Variants in KIF1B observed in about 807,000 individuals in gnomAD.
KIF1B encodes kinesin family member 1B.
A neutral mutation model predicts 241.9 loss-of-function variants in KIF1B; 76 were observed. That is an observed-to-expected ratio of 0.31 (90% CI 0.26 to 0.38). The LOEUF (loss-of-function observed/expected upper bound fraction) is 0.38. Ranked by LOEUF, KIF1B falls within the 10% of genes least tolerant of loss-of-function variation. The probability of loss-of-function intolerance (pLI) is 1.00; values close to 1 mark genes in which losing one functional copy is unlikely to be tolerated. For synonymous variants in KIF1B, 750 were observed against 796.7 expected (o/e 0.94, Z 0.99); for missense variants, 1,622 against 2,271.4 (o/e 0.71, Z 5.81).
chr1:10,363,209 A>G, intron 40 of KIF1B, 74 bp from the exon 41 acceptor site: 1 of 1,100,470 alleles, frequency 9.1e-7, no homozygotes, highest in Non-Finnish European at 1.4e-6. Flanking sequence ...ACACTATTTT[A>G]AGTAGCAGAA....
At chr1:10,364,326 TC>T (rs1638507036) in intron 41 of KIF1B, among the ~76,000 whole-genome samples, 1 of 150,042 alleles carries the variant, frequency 6.7e-6, no homozygotes, top group Middle Eastern at 3.2e-3. Flanking sequence ...TGCCTCAGCC[TC>T]CTGAGTAGCT....
chr1:10,288,816 T>C (rs2102243344), intron 15 of KIF1B, among the ~76,000 whole-genome samples: 1 of 152,330 alleles, frequency 6.6e-6, no homozygotes, highest in Admixed American at 6.5e-5. Context: ...CTTGCTTTTT[T>C]CACGTGTTCC....
intron 2 of KIF1B, among the ~76,000 whole-genome samples, chr1:10,254,685 G>A (rs927522148): frequency 6.6e-6 from 1 of 151,746 alleles, no homozygotes; most frequent in Non-Finnish European, 1.5e-5. Context: ...GACCATCCTG[G>A]CTAACACGGT....
chr1:10,368,388 C>T, intron 43 of KIF1B, 79 bp from the exon 44 acceptor site: 1 of 1,198,906 alleles, frequency 8.3e-7, no homozygotes, highest in Non-Finnish European at 1.2e-6. Flanking sequence ...CTTCAGGAGC[C>T]TCCACGTGGT....
intron 1 of KIF1B, among the ~76,000 whole-genome samples, chr1:10,214,600 T>TG (rs1245593411): frequency 6.7e-6 from 1 of 148,842 alleles, no homozygotes; most frequent in Non-Finnish European, 1.5e-5. Flanking sequence ...TTTTTTTTTT[T>TG]GGGATGGAGT....
Position 10,328,580 on chromosome 1 carries a change from C to G in KIF1B, c.2924+2221C>G, listed in dbSNP as rs140861905. On this transcript the variant is annotated intron_variant, in intron 27 of 48. Coordinates refer to ENST00000676179, the MANE Select transcript of KIF1B (RefSeq NM_001365951.3). ...GCTTCATTTGATGGCTGCCTGTGTT[C>G]TTCAGCACGTTTCCATCCTGTTCTA... Among the ~76,000 whole-genome samples, 37 of 152,318 alleles carry G rather than the reference C, an allele frequency of 2.4e-4. No individual in the cohort carries two copies. In the East Asian group the frequency reaches 6.6e-3, roughly 27 times the overall value.
intron 22 of KIF1B, among the ~76,000 whole-genome samples, chr1:10,309,511 A>G (rs1377837951): frequency 6.7e-6 from 1 of 148,288 alleles, no homozygotes; most frequent in Non-Finnish European, 1.5e-5. Context: ...TTTTCCTTCC[A>G]GCTATTGCTT....
At position 10,339,750 on chromosome 1, in the gene KIF1B, T is replaced by A; in HGVS notation, c.3423-19T>A. 1 of 1,609,588 alleles carries A rather than the reference T, an allele frequency of 6.2e-7. No homozygotes were observed. The highest frequency in any genetic ancestry group is 8.5e-7 in the Non-Finnish European group (1 of 1,176,676). ...CGTTTAATGCATTGTTCACGAGTCT[T>A]TTTATTTTTTTTATGAAGCTTTTTG... On this transcript the variant is annotated intron_variant, in intron 31 of 48. Transcript: ENST00000676179.
chr1:10,320,541 T>C (rs1483426061), intron 23 of KIF1B, among the ~76,000 whole-genome samples: 1 of 152,214 alleles, frequency 6.6e-6, no homozygotes, highest in Non-Finnish European at 1.5e-5. Context: ...TTAGTCATGT[T>C]TGCCTATCTT....
chr1:10,237,880 G>C (rs1647078582), intron 2 of KIF1B, among the ~76,000 whole-genome samples: 1 of 151,710 alleles, frequency 6.6e-6, no homozygotes, highest in Non-Finnish European at 1.5e-5. Flanking sequence ...GTGGTGGTGT[G>C]CACCTGTAGT....
intron 1 of KIF1B, among the ~76,000 whole-genome samples, chr1:10,219,983 AC>A (rs1646819606): frequency 6.6e-6 from 1 of 151,946 alleles, no homozygotes; most frequent in Non-Finnish European, 1.5e-5. Context: ...CAGGCGGATC[AC>A]CTGAGGTCAA....
At chr1:10,353,904 C>G (rs1320661933) in intron 38 of KIF1B, among the ~76,000 whole-genome samples, 1 of 152,110 alleles carries the variant, frequency 6.6e-6, no homozygotes, top group Non-Finnish European at 1.5e-5. Context: ...AGTAATTCTG[C>G]ATAGCTTTCT....
chr1:10,274,964 T>C (rs1273211904), intron 10 of KIF1B: 5 of 365,902 alleles, frequency 1.4e-5, no homozygotes, highest in Non-Finnish European at 2.6e-5. Flanking sequence ...GTAATAGTAT[T>C]GTGTTGATGT....
At chr1:10,263,503 C>G (rs1648273386) in intron 5 of KIF1B, among the ~76,000 whole-genome samples, 1 of 151,934 alleles carries the variant, frequency 6.6e-6, no homozygotes, top group African/African-American at 2.4e-5. Flanking sequence ...TGTTCTGATT[C>G]TCTGTAGCCT....
chr1:10,296,838 AATAG>A, intron 20 of KIF1B, 55 bp from the exon 21 acceptor site: 1 of 1,495,464 alleles, frequency 6.7e-7, no homozygotes, highest in Non-Finnish European at 9.2e-7. Context: ...GAGGTTGTTA[AATAG>A]ATACTATATA....
chr1:10,214,803 G>T (rs942024741), intron 1 of KIF1B, among the ~76,000 whole-genome samples: 1 of 151,606 alleles, frequency 6.6e-6, no homozygotes, highest in African/African-American at 2.4e-5. Context: ...GGCTGATCTC[G>T]AACTCCTGAC....
intron 1 of KIF1B, among the ~76,000 whole-genome samples, chr1:10,213,369 A>G (rs1646722461): frequency 6.6e-6 from 1 of 152,140 alleles, no homozygotes; most frequent in South Asian, 2.1e-4. Context: ...AAGACCAGAT[A>G]TGAATGCACT....
chr1:10,354,296 C>A (rs562955167), intron 38 of KIF1B, among the ~76,000 whole-genome samples: 1 of 152,242 alleles, frequency 6.6e-6, no homozygotes, highest in East Asian at 1.9e-4. Flanking sequence ...AAAGCCATGG[C>A]CTTTTCTTTA....
In KIF1B at chr1:10,360,935, C is replaced by G; in HGVS notation, c.4062C>G (p.Phe1354Leu). The part of the protein sequence containing the change: ...LKSSHNSSRT[F>L]YRFEAVWDSS... ...CTTGTCTTTCTGACCTTAGGACCTT[C>G]TACCGCTTTGAGGCTGTGTGGGATA... The change falls in exon 39 of 49, where the codon TTC becomes TTG. Residue 1354 changes from phenylalanine (F) to leucine (L), a missense_variant. Physicochemically the swap from Phe to Leu is conservative, Grantham distance 22. Transcript: ENST00000676179. 6.2e-7 allele frequency: 1 copy of G among 1,611,914 alleles called. No homozygotes were observed. The highest frequency in any genetic ancestry group is 8.5e-7 in the Non-Finnish European group (1 of 1,177,958).
Sources: allele counts gnomAD v4.1 joint callset (sites outside exome capture counted in the v4.1 genomes callset), GRCh38; gene constraint gnomAD v4.1.1; transcripts MANE v1.5; gene names NCBI Gene and HGNC (gene_info 2026-07-23, HGNC 2026-07-21).